The following DYNC1H1 variants were observed in gnomAD, a reference collection of about 807,000 sequenced individuals.
The protein encoded by DYNC1H1 is cytoplasmic dynein 1 heavy chain 1.
A neutral mutation model predicts 527.1 loss-of-function variants in DYNC1H1; 51 were observed. The ratio of observed to expected loss-of-function variants is 0.10; its 90% CI spans 0.08 to 0.12. DYNC1H1 has a LOEUF of 0.12. Ranked by LOEUF, DYNC1H1 falls within the 10% of genes least tolerant of loss-of-function variation. The probability of loss-of-function intolerance (pLI) is 1.00; values close to 1 mark genes in which losing one functional copy is unlikely to be tolerated. For synonymous variants in DYNC1H1, 2,189 were observed against 2,278.8 expected, an observed-to-expected ratio of 0.96 and a Z score of 1.12; for missense variants, 2,771 against 5,971.8, an observed-to-expected ratio of 0.46 and a Z score of 17.66.
chr14:102,020,334 C>CT lies in DYNC1H1; in HGVS notation c.8507+288dup, dbSNP rs34531025. Among the ~76,000 whole-genome samples the CT allele has an allele frequency of 7.4e-5, 11 of 149,318 alleles. No individual in the cohort carries two copies. The highest frequency in any genetic ancestry group is 3.9e-4 in the East Asian group (2 of 5,138). On this transcript the variant is annotated intron_variant, in intron 42 of 77. Coordinates refer to ENST00000360184, the MANE Select transcript of DYNC1H1 (RefSeq NM_001376.5). This position sits in a 1 kb window ranked among gnomAD's most constrained non-coding sequence, Gnocchi z 4.3. ...AAACCTTGTGGCTGTGAACAGGGTA[C>CT]TTTTTTTTTTAAAGATACATCATAG...
chr14:101,973,808 TA>T (rs1428360786), intron 1 of DYNC1H1, among the ~76,000 whole-genome samples: 2 of 152,098 alleles, frequency 1.3e-5, no homozygotes, highest in Non-Finnish European at 2.9e-5. Context: ...TGTCTCTAAA[TA>T]AATAAATTAA....
rs1024550633 is a variant in DYNC1H1 at position 101,983,928 on chromosome 14, C to T, written c.1461+319C>T. On this transcript the variant is annotated intron_variant, in intron 7 of 77. Transcript: ENST00000360184. This position sits in a 1 kb window ranked among gnomAD's most constrained non-coding sequence, Gnocchi z 5.3. The stretch of plus-strand genomic sequence containing the variant: ...TGGCCTTCAAGTGTTCCACCTGCCT[C>T]GGCCTCCCAAAGTGCCGGGATTATA... 2.0e-5 allele frequency among the ~76,000 whole-genome samples: 3 copies of T among 152,084 alleles called. No individual in the cohort carries two copies. Among genetic ancestry groups the T allele is most frequent in the Admixed American group, 1.3e-4 (2 of 15,270 alleles).
chr14:101,990,895 G>A (rs2047989834), intron 10 of DYNC1H1, among the ~76,000 whole-genome samples: 1 of 151,892 alleles, frequency 6.6e-6, no homozygotes, highest in Non-Finnish European at 1.5e-5. Context: ...TGTAGTCCCA[G>A]CTACTCGGGA....
In DYNC1H1 at chr14:102,016,135, C is replaced by G; in HGVS notation, c.7473+49C>G. 1 of 1,554,814 alleles carries G rather than the reference C, an allele frequency of 6.4e-7. No homozygotes were observed. The highest frequency in any genetic ancestry group is 2.4e-5 in the East Asian group (1 of 41,604). On this transcript the variant is annotated intron_variant, in intron 36 of 77. Coordinates refer to ENST00000360184, the MANE Select transcript of DYNC1H1 (RefSeq NM_001376.5). The surrounding 1 kb of genome is among the most constrained non-coding windows in gnomAD (Gnocchi z 7.3). ...CAGAGCTCACCACTGCGCCAGACCA[C>G]AGGTCTGAGGACCTCTGAAATGCTG...
Position 102,017,492 on chromosome 14 carries a change from C to T in DYNC1H1, c.8165C>T (p.Pro2722Leu). The T allele has an allele frequency of 6.2e-7, 1 of 1,614,130 alleles. No homozygotes were observed. The highest frequency in any genetic ancestry group is 1.3e-5 in the African/African-American group (1 of 75,012). ...CNPPTDPGRK[P>L]LSHRFLRHVP... ...CCCCCCACAGACCCTGGAAGAAAGC[C>T]CCTCTCACACAGGTAAAACAGCTCG... The change falls in exon 40 of 78, where the codon CCC (proline) becomes CTC (leucine). Residue 2722 changes from proline to leucine, a missense_variant. Pro to Leu is a moderately conservative substitution (Grantham distance 98). Transcript: ENST00000360184. The surrounding 1 kb of genome is among the most constrained non-coding windows in gnomAD (Gnocchi z 4.6).
chr14:101,991,620 G>C lies in DYNC1H1; in HGVS notation c.2962G>C (p.Ala988Pro). Residue 988 changes from alanine (A) to proline (P), a missense_variant, in exon 11 of 78, where the codon GCC becomes CCC. Physicochemically the swap from Ala to Pro is conservative, Grantham distance 27. Transcript: ENST00000360184. The part of the protein sequence containing the change: ...CRYKLYQEMF[A>P]WKMVVLSLPR... ...ATACAAGCTGTATCAGGAAATGTTT[G>C]CCTGGAAGATGGTTGTACTGTCTCT... is the stretch of plus-strand genomic sequence containing the variant. The C allele has an allele frequency of 6.2e-7, 1 of 1,614,156 alleles. No homozygotes were observed. Among genetic ancestry groups the C allele is most frequent in the Non-Finnish European group, 8.5e-7 (1 of 1,180,020 alleles).
chr14:102,007,342 A>G (rs1425047889), intron 28 of DYNC1H1, among the ~76,000 whole-genome samples: 1 of 152,138 alleles, frequency 6.6e-6, no homozygotes, highest in Non-Finnish European at 1.5e-5. Flanking sequence ...CTTTAGTGTA[A>G]TATTTTTCTA....
Position 102,042,160 on chromosome 14 carries a change from C to G in DYNC1H1, c.12214+36C>G. Reference sequence around the variant, plus strand: ...TTGAGGGGCTTCATGGGCTGGAGCCCTGCAGGATTTGTGGTGGGCATTGAT... The same window carrying G: ...TTGAGGGGCTTCATGGGCTGGAGCCGTGCAGGATTTGTGGTGGGCATTGAT... On this transcript the variant is annotated intron_variant, in intron 66 of 77. Transcript: ENST00000360184. This position sits in a 1 kb window ranked among gnomAD's most constrained non-coding sequence, Gnocchi z 5.7. 6.2e-7 allele frequency: 1 copy of G among 1,613,974 alleles called. No individual in the cohort carries two copies. Among genetic ancestry groups the G allele is most frequent in the Non-Finnish European group, 8.5e-7 (1 of 1,179,978 alleles).
chr14:102,030,019 T>C, intron 50 of DYNC1H1, 81 bp downstream of exon 50: 1 of 1,611,588 alleles, frequency 6.2e-7, no homozygotes, highest in Admixed American at 1.7e-5. Flanking sequence ...TAGTTCCAAA[T>C]GGGTCTTAGG....
At chr14:102,048,374 ACG>A in intron 73 of DYNC1H1, 140 bp from the exon 74 acceptor site, 1 of 1,172,590 alleles carries the variant, frequency 8.5e-7, no homozygotes, top group Non-Finnish European at 1.2e-6. Context: ...GTTCCAAGTC[ACG>A]CTCTGCCAAA....
intron 2 of DYNC1H1, among the ~76,000 whole-genome samples, chr14:101,976,008 A>G (rs2047796012): frequency 6.6e-6 from 1 of 151,514 alleles, no homozygotes; most frequent in Non-Finnish European, 1.5e-5. Context: ...CCCGGGTTCA[A>G]GCAATTCTCC....
Position 102,000,416 on chromosome 14 carries a change from G to T in DYNC1H1, c.4074+17G>T. The stretch of plus-strand genomic sequence containing the variant: ...CCTCGAAAGGTATATCATGAAATCG[G>T]TGTTTGTGTACGTCTATTTTAACAG... On this transcript the variant is annotated intron_variant, in intron 18 of 77. Coordinates refer to ENST00000360184, the MANE Select transcript of DYNC1H1 (RefSeq NM_001376.5). The T allele has an allele frequency of 6.2e-7, 1 of 1,611,490 alleles. No individual in the cohort carries two copies. Among genetic ancestry groups the T allele is most frequent in the Non-Finnish European group, 8.5e-7 (1 of 1,177,672 alleles).
intron 56 of DYNC1H1, chr14:102,035,932 G>GTT (rs17541477): frequency 6.5e-6 from 1 of 155,024 alleles, no homozygotes. Flanking sequence ...TACCAGTTGG[G>GTT]TTTTTTTTTA....
Position 102,013,248 on chromosome 14 carries a change from C to CAAAAA in DYNC1H1, c.7014+798_7014+802dup, listed in dbSNP as rs57229386. Among the ~76,000 whole-genome samples the CAAAAA allele has an allele frequency of 3.6e-4, 15 of 41,286 alleles. 1 individual carries two copies. Among genetic ancestry groups the CAAAAA allele is most frequent in the East Asian group, 3.3e-3 (5 of 1,504 alleles). 27.1% of individuals were successfully genotyped at this position (41,286 alleles called of 152,430 possible). A position where few individuals can be genotyped will look rare whatever the true frequency, so the allele number is the denominator to read the frequency against. On this transcript the variant is annotated intron_variant, in intron 34 of 77. Transcript: ENST00000360184. Reference sequence around the variant, plus strand: ...TGGGCGACAGAGAGAGACTCCGTCTCAAAAAAAAAAAAAAAAAAAAAAAAG... The same window carrying CAAAAA: ...TGGGCGACAGAGAGAGACTCCGTCTCAAAAAAAAAAAAAAAAAAAAAAAAAAAAAG...
intron 1 of DYNC1H1, among the ~76,000 whole-genome samples, chr14:101,967,175 T>G (rs753859798): frequency 2.9e-4 from 44 of 152,224 alleles, no homozygotes; most frequent in Non-Finnish European, 4.7e-4. Flanking sequence ...ACACCTTAGA[T>G]ATAAGTAGAG....
Position 102,049,947 on chromosome 14 carries a change from T to A in DYNC1H1, c.13684+65T>A. On this transcript the variant is annotated intron_variant, in intron 76 of 77. Transcript: ENST00000360184. This position sits in a 1 kb window ranked among gnomAD's most constrained non-coding sequence, Gnocchi z 5.5. ...TGACCTCGGTGGCCTGAGACCATTG[T>A]TCCCAGATACATGCACTTAGGGTGA... 1.3e-6 allele frequency: 2 copies of A among 1,542,836 alleles called. No individual in the cohort carries two copies. Among genetic ancestry groups the A allele is most frequent in the Non-Finnish European group, 1.7e-6 (2 of 1,153,930 alleles).
intron 1 of DYNC1H1, among the ~76,000 whole-genome samples, chr14:101,974,216 C>G (rs1364219239): frequency 1.3e-5 from 2 of 152,204 alleles, no homozygotes; most frequent in African/African-American, 4.8e-5. Flanking sequence ...TCGCCTGCCT[C>G]AGCTTCCCGA....
At chr14:101,973,081 G>A (rs1487091451) in intron 1 of DYNC1H1, among the ~76,000 whole-genome samples, 12 of 151,910 alleles carry the variant, frequency 7.9e-5, no homozygotes, top group Admixed American at 7.9e-4. Flanking sequence ...TTAAAAAATA[G>A]CAAGTATCTG....
chr14:102,002,590 T>C lies in DYNC1H1; in HGVS notation c.4596T>C (p.Ala1532=). 3 of 1,614,202 alleles carry C rather than the reference T, an allele frequency of 1.9e-6. No homozygotes were observed. Among genetic ancestry groups the C allele is most frequent in the Non-Finnish European group, 2.5e-6 (3 of 1,180,034 alleles). The part of the protein sequence containing the change: ...SWEDKLNRIM[A]LFDVWIDVQR... ...AAGATAAGCTGAACAGGATCATGGC[T>C]CTCTTTGATGTGTGGATTGATGTGC... Residue 1532 remains alanine, a synonymous_variant, in exon 22 of 78, where the codon GCT becomes GCC. Transcript: ENST00000360184. This position sits in a 1 kb window ranked among gnomAD's most constrained non-coding sequence, Gnocchi z 4.4.
Sources: gnomAD v4.1 joint callset for allele counts (sites outside exome capture counted in the v4.1 genomes callset) on GRCh38, gnomAD v4.1.1 for gene constraint, Gnocchi (gnomAD v3.1) non-coding constraint, MANE v1.5 for transcripts, NCBI Gene and HGNC (gene_info 2026-07-23, HGNC 2026-07-21) for gene names.